Variants in PPP4R2 observed in about 807,000 individuals in gnomAD.
PPP4R2 encodes serine/threonine-protein phosphatase 4 regulatory subunit 2.
Under a neutral mutation model 47.2 loss-of-function variants are expected in PPP4R2, and 13 were observed. The ratio of observed to expected loss-of-function variants is 0.28; its 90% CI spans 0.18 to 0.44. The LOEUF (loss-of-function observed/expected upper bound fraction) is 0.44, where lower values mean the gene tolerates loss of function less well. Among genes scored for constraint, PPP4R2 ranks in the 20% least tolerant of loss-of-function variants. The pLI is 1.00. For missense variants in PPP4R2, 421 were observed against 491.2 expected, an observed-to-expected ratio of 0.86 and a Z score of 1.35; for synonymous variants, 151 against 163.3, an observed-to-expected ratio of 0.92 and a Z score of 0.57.
chr3:73,036,178 A>G (rs1702257811), intron 2 of PPP4R2, among the ~76,000 whole-genome samples: 1 of 152,184 alleles, frequency 6.6e-6, no homozygotes, highest in African/African-American at 2.4e-5. Flanking sequence ...CTCATGCATT[A>G]TGTTGGAGCT....
rs563083352 is a variant in PPP4R2, at chr3:73,042,668, A to G, written c.117-4518A>G. ...GTGAGCCACCGCGCCTGGCCCCTGA[A>G]TTATATAACTTTTAGGGAAGCATTT... On this transcript the variant is annotated intron_variant, in intron 2 of 8. Coordinates refer to ENST00000356692, the MANE Select transcript of PPP4R2 (RefSeq NM_174907.4). 9.9e-5 allele frequency among the ~76,000 whole-genome samples: 15 copies of G among 152,056 alleles called. No homozygotes were observed. In the South Asian group the frequency reaches 3.1e-3, roughly 32 times the overall value.
intron 4 of PPP4R2, 33 bp from the exon 5 acceptor site, chr3:73,060,990 T>G (rs200948193): frequency 1.3e-6 from 2 of 1,496,354 alleles, no homozygotes; most frequent in East Asian, 2.4e-5. Context: ...AGTACTTTTC[T>G]TCATACTAAA....
intron 2 of PPP4R2, among the ~76,000 whole-genome samples, chr3:73,038,055 G>A (rs1016004177): frequency 1.4e-4 from 21 of 152,304 alleles, no homozygotes; most frequent in South Asian, 4.1e-4. Context: ...ACCCGGTCCT[G>A]TCTGACACAT....
chr3:72,998,182 C>T (rs1559542940), intron 2 of PPP4R2, 24 bp downstream of exon 2: 2 of 1,461,796 alleles, frequency 1.4e-6, no homozygotes, highest in Non-Finnish European at 1.9e-6. Flanking sequence ...ATGCATTTGT[C>T]GTTATAGACC....
At chr3:73,049,023 G>T (rs1702553203) in intron 3 of PPP4R2, among the ~76,000 whole-genome samples, 1 of 152,060 alleles carries the variant, frequency 6.6e-6, no homozygotes. Flanking sequence ...TGTGCACCCT[G>T]TTGGACTGTT....
intron 2 of PPP4R2, among the ~76,000 whole-genome samples, chr3:73,037,950 G>A (rs919216280): frequency 9.9e-5 from 15 of 152,120 alleles, no homozygotes; most frequent in African/African-American, 3.6e-4. Context: ...GTTAGTCAAG[G>A]ATTGTTACAT....
At chr3:72,998,614 T>C (rs1039130575) in intron 2 of PPP4R2, among the ~76,000 whole-genome samples, 16 of 152,246 alleles carry the variant, frequency 1.1e-4, no homozygotes, top group African/African-American at 3.6e-4. Flanking sequence ...GTGTCACTTC[T>C]ATTTATCGTC....
chr3:73,048,480 T>A lies in PPP4R2; in HGVS notation c.287+1124T>A, dbSNP rs372971389. On this transcript the variant is annotated intron_variant, in intron 3 of 8. Coordinates refer to ENST00000356692, the MANE Select transcript of PPP4R2 (RefSeq NM_174907.4). ...CATGCTGGCCAGGCTGGTCTCCAACTCCTGACCTTGTGATCCGCCCACCTC... is the reference window on the plus strand; with the variant it reads ...CATGCTGGCCAGGCTGGTCTCCAACACCTGACCTTGTGATCCGCCCACCTC... 2.4e-4 allele frequency among the ~76,000 whole-genome samples: 36 copies of A among 152,178 alleles called. 1 individual carries two copies. The highest frequency in any genetic ancestry group is 8.4e-4 in the African/African-American group (35 of 41,534).
At chr3:73,056,168 C>G (rs954147325) in intron 3 of PPP4R2, among the ~76,000 whole-genome samples, 9 of 152,198 alleles carry the variant, frequency 5.9e-5, no homozygotes, top group Admixed American at 6.5e-5. Context: ...CAAATGCTTT[C>G]ATTTTGTACT....
chr3:73,049,875 T>C (rs1033582186), intron 3 of PPP4R2, among the ~76,000 whole-genome samples: 1 of 152,036 alleles, frequency 6.6e-6, no homozygotes, highest in African/African-American at 2.4e-5. Context: ...TGAACAGTCA[T>C]TAAATGCCTG....
intron 2 of PPP4R2, among the ~76,000 whole-genome samples, chr3:73,017,998 A>G (rs11926508): frequency 6.6e-6 from 1 of 152,150 alleles, no homozygotes; most frequent in Non-Finnish European, 1.5e-5. Context: ...TATGGTAGAG[A>G]TGGTAAACTG....
chr3:73,062,758 A>G, intron 5 of PPP4R2: 1 of 1,614,024 alleles, frequency 6.2e-7, no homozygotes, highest in Non-Finnish European at 8.5e-7. Context: ...TCACATGGTG[A>G]GAGTGCTGAT....
At chr3:73,010,064 CAT>C (rs1701690905) in intron 2 of PPP4R2, among the ~76,000 whole-genome samples, 1 of 152,156 alleles carries the variant, frequency 6.6e-6, no homozygotes, top group Non-Finnish European at 1.5e-5. Context: ...GAACTCACAC[CAT>C]TGACTATAAA....
intron 5 of PPP4R2, chr3:73,062,843 CACACTTCTAT>C: frequency 2.5e-6 from 4 of 1,613,826 alleles, no homozygotes; most frequent in Non-Finnish European, 3.4e-6. Context: ...AATTAATGTT[CACACTTCTAT>C]TTGGAGACTT....
chr3:73,063,621 T>C, intron 5 of PPP4R2, 52 bp from the exon 6 acceptor site: 1 of 1,056,070 alleles, frequency 9.5e-7, no homozygotes, highest in South Asian at 1.3e-5. Context: ...AGAGCCAGAC[T>C]CCATCTAAAA....
chr3:73,047,600 T>C (rs988576668), intron 3 of PPP4R2, among the ~76,000 whole-genome samples: 5 of 152,232 alleles, frequency 3.3e-5, no homozygotes, highest in Admixed American at 3.3e-4. Flanking sequence ...GGAAACATTT[T>C]AATGGTTTTT....
chr3:73,057,575 A>G (rs1702752784), intron 3 of PPP4R2, among the ~76,000 whole-genome samples: 2 of 152,150 alleles, frequency 1.3e-5, no homozygotes, highest in African/African-American at 4.8e-5. Flanking sequence ...TTGAGACAAA[A>G]GATTGATTCT....
intron 3 of PPP4R2, among the ~76,000 whole-genome samples, chr3:73,050,657 C>CT (rs1255149843): frequency 6.6e-6 from 1 of 152,116 alleles, no homozygotes; most frequent in Non-Finnish European, 1.5e-5. Context: ...TAGAATCATG[C>CT]TATATGCTAG....
intron 2 of PPP4R2, among the ~76,000 whole-genome samples, 183 bp from the exon 3 acceptor site, chr3:73,047,003 C>T (rs1022640417): frequency 1.3e-5 from 2 of 152,108 alleles, no homozygotes; most frequent in African/African-American, 4.8e-5. Flanking sequence ...TGGATAGCAT[C>T]AGGATGGAGC....
Sources: allele counts gnomAD v4.1 joint callset (sites outside exome capture counted in the v4.1 genomes callset), GRCh38; gene constraint gnomAD v4.1.1; transcripts MANE v1.5; gene names NCBI Gene and HGNC (gene_info 2026-07-23, HGNC 2026-07-21).